RPS6KC1: variants seen among roughly 807,000 people sequenced by gnomAD.
The protein encoded by RPS6KC1 is ribosomal protein S6 kinase C1.
In RPS6KC1, 54 loss-of-function variants were observed where a neutral mutation model predicts 103.8. That is an observed-to-expected ratio of 0.52 (90% CI 0.42 to 0.65). RPS6KC1 has a LOEUF of 0.65. Among genes scored for constraint, RPS6KC1 ranks in the 30% least tolerant of loss-of-function variants. RPS6KC1 has a pLI of 0.00. For missense variants in RPS6KC1, 1,151 were observed against 1,253.8 expected, an observed-to-expected ratio of 0.92 and a Z score of 1.24; for synonymous variants, 439 against 438.7, an observed-to-expected ratio of 1.00 and a Z score of -0.01.
chr1:213,337,980 G>A, the RPS6KC1 span, among the ~76,000 whole-genome samples: 97 of 152,286 alleles, frequency 6.4e-4, no homozygotes, highest in Middle Eastern at 3.4e-3. Flanking sequence ...TAGGAGTGGC[G>A]TGTGTGTCTG....
In RPS6KC1 at chr1:213,241,961, A is replaced by G. The variant is rs1208950899; in HGVS notation, c.2485A>G (p.Asn829Asp). The change falls in exon 11 of 15, where the codon AAT (asparagine) becomes GAT (aspartate). Residue 829 changes from asparagine (N) to aspartate (D), a missense_variant. This residue lies in a region of RPS6KC1 where 959 missense variants were observed against 1,006.3 expected (regional missense o/e 0.95). Transcript: ENST00000366960. Reference sequence around the variant, plus strand: ...TATTTGTAGTCCACTCTCAGGTGCTAATGAATATATTGCAAGCACAGACAC... The same window carrying G: ...TATTTGTAGTCCACTCTCAGGTGCTGATGAATATATTGCAAGCACAGACAC... ...FRICSPLSGA[N>D]EYIASTDTLK... is the part of the protein sequence containing the mutation. The G allele has an allele frequency of 1.2e-6, 2 of 1,614,030 alleles. No homozygotes were observed. Among genetic ancestry groups the G allele is most frequent in the Admixed American group, 3.3e-5 (2 of 59,980 alleles).
chr1:213,444,312 C>A, the RPS6KC1 span, among the ~76,000 whole-genome samples: 1 of 152,098 alleles, frequency 6.6e-6, no homozygotes, highest in Non-Finnish European at 1.5e-5. Flanking sequence ...AGGATTCCAG[C>A]ATGTTTGTGG....
chr1:213,520,382 C>A, the RPS6KC1 span, among the ~76,000 whole-genome samples: 1 of 152,116 alleles, frequency 6.6e-6, no homozygotes, highest in African/African-American at 2.4e-5. Context: ...ACCACGAGAA[C>A]AGTATGAGGA....
intron 14 of RPS6KC1, among the ~76,000 whole-genome samples, chr1:213,268,979 A>G (rs2094976997): frequency 6.6e-6 from 1 of 152,186 alleles, no homozygotes; most frequent in South Asian, 2.1e-4. Context: ...AAGTAGCAAA[A>G]TAGCAAATAT....
chr1:213,741,527 G>C, the RPS6KC1 span, among the ~76,000 whole-genome samples: 1 of 114,096 alleles, frequency 8.8e-6, no homozygotes, highest in Non-Finnish European at 1.9e-5. Context: ...AAACATCAAC[G>C]TGCTGGAAAA....
the RPS6KC1 span, among the ~76,000 whole-genome samples, chr1:213,372,566 C>T: frequency 6.6e-6 from 1 of 152,178 alleles, no homozygotes; most frequent in African/African-American, 2.4e-5. Flanking sequence ...TGTTGAACTC[C>T]CTCTCTTGGG....
At chr1:213,183,271 G>A (rs555424192) in intron 8 of RPS6KC1, among the ~76,000 whole-genome samples, 155 of 152,182 alleles carry the variant, frequency 1.0e-3, no homozygotes, top group African/African-American at 3.6e-3. Context: ...CAGAAAATCA[G>A]CAACAATACA....
At chr1:213,781,151 C>G in the RPS6KC1 span, among the ~76,000 whole-genome samples, 34 of 152,222 alleles carry the variant, frequency 2.2e-4, no homozygotes, top group African/African-American at 7.7e-4. Context: ...GAAGCGCTAA[C>G]TGTTCCTATC....
the RPS6KC1 span, among the ~76,000 whole-genome samples, chr1:213,566,465 T>TGGA: frequency 4.5e-5 from 2 of 44,064 alleles, no homozygotes; most frequent in African/African-American, 1.8e-4. Flanking sequence ...TTTTTTTTTT[T>TGGA]TTTTTTTTTT....
chr1:213,586,719 A>C, the RPS6KC1 span, among the ~76,000 whole-genome samples: 7 of 152,270 alleles, frequency 4.6e-5, no homozygotes, highest in Non-Finnish European at 7.4e-5. Flanking sequence ...TTTGGCCTCA[A>C]AACAAGGAAG....
At chr1:213,319,835 T>C in the RPS6KC1 span, among the ~76,000 whole-genome samples, 1 of 152,342 alleles carries the variant, frequency 6.6e-6, no homozygotes, top group African/African-American at 2.4e-5. Flanking sequence ...TGGATTCTCC[T>C]GATTGTTATT....
chr1:213,662,511 C>T, the RPS6KC1 span, among the ~76,000 whole-genome samples: 1 of 149,756 alleles, frequency 6.7e-6, no homozygotes, highest in Non-Finnish European at 1.5e-5. Flanking sequence ...CTCCTGGCCT[C>T]AAGTGATCCA....
chr1:213,514,094 G>T, the RPS6KC1 span, among the ~76,000 whole-genome samples: 797 of 152,072 alleles, frequency 5.2e-3, 5 homozygotes, highest in African/African-American at 0.018. Context: ...GGTTTATTTT[G>T]GTCCTAGACT....
At chr1:213,261,705 A>G in intron 13 of RPS6KC1, 65 bp downstream of exon 13, 1 of 1,370,434 alleles carries the variant, frequency 7.3e-7, no homozygotes, top group Non-Finnish European at 1.0e-6. Flanking sequence ...AATTAAGAAC[A>G]TTAGCCTTCA....
intron 3 of RPS6KC1, among the ~76,000 whole-genome samples, chr1:213,082,928 G>A (rs58100940): frequency 0.019 from 2,843 of 152,254 alleles, 98 homozygotes; most frequent in African/African-American, 0.065. Flanking sequence ...TTAAGGTTGT[G>A]CCTTACACAT....
chr1:213,851,020 G>A, the RPS6KC1 span, among the ~76,000 whole-genome samples: 1 of 151,874 alleles, frequency 6.6e-6, no homozygotes, highest in Non-Finnish European at 1.5e-5. Flanking sequence ...TACCTTCTAG[G>A]TGCCTCTCCC....
At chr1:213,109,990 A>G (rs1382889464) in intron 4 of RPS6KC1, among the ~76,000 whole-genome samples, 1 of 152,174 alleles carries the variant, frequency 6.6e-6, no homozygotes, top group Non-Finnish European at 1.5e-5. Flanking sequence ...CATTTTGCTT[A>G]TCCATTCATT....
intron 6 of RPS6KC1, among the ~76,000 whole-genome samples, chr1:213,155,070 G>A (rs1211408655): frequency 6.6e-6 from 1 of 152,150 alleles, no homozygotes. Context: ...CCTGGAATAG[G>A]GACCACACAA....
chr1:213,821,380 A>G, the RPS6KC1 span: 1 of 151,938 alleles, frequency 6.6e-6, no homozygotes, highest in Non-Finnish European at 1.5e-5. Flanking sequence ...CAAGCCCAGA[A>G]GGAAGCAGAC....
Sources: gnomAD v4.1 joint callset for allele counts (sites outside exome capture counted in the v4.1 genomes callset) on GRCh38, gnomAD v4.1.1 for gene constraint, gnomAD v4.1.1 regional missense constraint, MANE v1.5 for transcripts, NCBI Gene and HGNC (gene_info 2026-07-23, HGNC 2026-07-21) for gene names.